The following HACE1 variants were observed in gnomAD, a reference collection of about 807,000 sequenced individuals.
The protein encoded by HACE1 is HECT domain and ankyrin repeat containing E3 ubiquitin protein ligase 1.
In HACE1, 73 loss-of-function variants were observed where a neutral mutation model predicts 118.4. That is an observed-to-expected ratio of 0.62 (90% confidence interval 0.51 to 0.75). HACE1 has a LOEUF of 0.75. HACE1 is among the 30% of genes least tolerant of loss of function. The pLI, the probability that HACE1 is intolerant of heterozygous loss-of-function variation, is 0.00. For missense variants in HACE1, 749 were observed against 1,102.2 expected, an observed-to-expected ratio of 0.68 and a Z score of 4.54; for synonymous variants, 368 against 374.8, an observed-to-expected ratio of 0.98 and a Z score of 0.21.
chr6:104,759,362 G>A (rs1367134170), intron 19 of HACE1, among the ~76,000 whole-genome samples: 1 of 152,210 alleles, frequency 6.6e-6, no homozygotes, highest in East Asian at 1.9e-4. Flanking sequence ...TCAGAGCACA[G>A]TGCAATCAAA....
At chr6:104,840,586 T>C (rs1775003716) in intron 5 of HACE1, among the ~76,000 whole-genome samples, 1 of 152,144 alleles carries the variant, frequency 6.6e-6, no homozygotes, top group South Asian at 2.1e-4. Context: ...CCGAGCACTT[T>C]GGGTAGCCAA....
chr6:104,839,534 G>C (rs762400674), intron 5 of HACE1, among the ~76,000 whole-genome samples: 1 of 152,164 alleles, frequency 6.6e-6, no homozygotes, highest in Non-Finnish European at 1.5e-5. Context: ...AAAGGGAAAG[G>C]TATGGTTATA....
At position 104,730,626 on chromosome 6, in the gene HACE1, T is replaced by A. The variant is rs940268887; in HGVS notation, c.2514-210A>T. On this transcript the variant is annotated intron_variant, in intron 22 of 23. Transcript: ENST00000262903. ...ATGGAGACACCCCTCCACATTTCCA[T>A]AAGCTATACTATGCTTGCAACTGGC... The A allele has an allele frequency of 7.4e-6, 4 of 538,880 alleles. No homozygotes were observed. The Admixed American group carries it at 8.6e-5, about 12-fold the overall frequency. The allele number at this position is 538,880 out of a possible 1,614,324, so 33.4% of individuals were successfully genotyped here.
At chr6:104,771,506 T>C in intron 18 of HACE1, 117 bp from the exon 19 acceptor site, 1 of 661,642 alleles carries the variant, frequency 1.5e-6, no homozygotes, top group Non-Finnish European at 2.7e-6. Flanking sequence ...AATACAATCC[T>C]ACACACAGCA....
At chr6:104,832,898 C>T (rs1774150082) in intron 6 of HACE1, 144 bp downstream of exon 6, 1 of 664,184 alleles carries the variant, frequency 1.5e-6, no homozygotes, top group African/African-American at 1.9e-5. Context: ...GGCCCTGTCT[C>T]AAAAAAAAAA....
At chr6:104,762,925 G>C (rs1279625153) in intron 19 of HACE1, among the ~76,000 whole-genome samples, 1 of 148,182 alleles carries the variant, frequency 6.7e-6, no homozygotes, top group Non-Finnish European at 1.5e-5. Context: ...GGGAGGTGGA[G>C]CTTGCAGTGA....
At chr6:104,739,717 G>C (rs1776402632) in intron 22 of HACE1, among the ~76,000 whole-genome samples, 2 of 151,096 alleles carry the variant, frequency 1.3e-5, no homozygotes, top group South Asian at 4.2e-4. Context: ...CATTAATAAT[G>C]GGAGACTTTA....
chr6:104,778,907 C>G (rs986426422), intron 14 of HACE1, among the ~76,000 whole-genome samples: 2 of 152,110 alleles, frequency 1.3e-5, no homozygotes, highest in Non-Finnish European at 2.9e-5. Context: ...TACCCCCACA[C>G]TCCTAGAAGG....
chr6:104,760,513 C>G (rs1368463889), intron 19 of HACE1, among the ~76,000 whole-genome samples: 1 of 152,112 alleles, frequency 6.6e-6, no homozygotes, highest in African/African-American at 2.4e-5. Flanking sequence ...GCTAAAAACT[C>G]TCAGTAAACT....
At chr6:104,819,993 G>A (rs548203179) in intron 6 of HACE1, among the ~76,000 whole-genome samples, 4 of 151,902 alleles carry the variant, frequency 2.6e-5, no homozygotes, top group Non-Finnish European at 5.9e-5. Flanking sequence ...TCAAGAGTTC[G>A]AGACCACCCT....
chr6:104,850,453 T>C (rs1257493131), intron 3 of HACE1, among the ~76,000 whole-genome samples: 1 of 152,210 alleles, frequency 6.6e-6, no homozygotes, highest in African/African-American at 2.4e-5. Context: ...TTTCAACACA[T>C]CTACCTAAAT....
chr6:104,788,390 T>A (rs1782659261), intron 11 of HACE1, among the ~76,000 whole-genome samples: 1 of 152,108 alleles, frequency 6.6e-6, no homozygotes, highest in Non-Finnish European at 1.5e-5. Context: ...TATAAGCATT[T>A]TAAGTCATAT....
In HACE1 at chr6:104,764,915, T is replaced by C. The variant is rs553817251; in HGVS notation, c.2211+6278A>G. ...CAGAGGTTGTGCCAGGCATGCACAA[T>C]TGTGTCTTTACTCACTGTGTTCCAA... On this transcript the variant is annotated intron_variant, in intron 19 of 23. Transcript: ENST00000262903. 1.4e-4 allele frequency among the ~76,000 whole-genome samples: 21 copies of C among 152,334 alleles called. No individual in the cohort carries two copies. The East Asian group carries it at 4.0e-3, about 29-fold the overall frequency.
chr6:104,788,364 C>T (rs538502564), intron 11 of HACE1, among the ~76,000 whole-genome samples: 15 of 152,056 alleles, frequency 9.9e-5, no homozygotes, highest in African/African-American at 1.9e-4. Flanking sequence ...CAATGATATG[C>T]CAATCATACA....
intron 19 of HACE1, among the ~76,000 whole-genome samples, chr6:104,753,126 A>C (rs904058175): frequency 1.3e-5 from 2 of 152,228 alleles, no homozygotes; most frequent in African/African-American, 4.8e-5. Context: ...TATTATCTTG[A>C]CAATACAAAT....
chr6:104,795,832 T>C (rs914601340), intron 9 of HACE1, 147 bp from the exon 10 acceptor site: 1 of 618,774 alleles, frequency 1.6e-6, no homozygotes, highest in Non-Finnish European at 2.9e-6. Flanking sequence ...TAAAAGCTAA[T>C]ATAGAGATAT....
intron 22 of HACE1, among the ~76,000 whole-genome samples, chr6:104,739,336 T>G (rs1378767684): frequency 6.6e-6 from 1 of 152,044 alleles, no homozygotes; most frequent in African/African-American, 2.4e-5. Context: ...TAAATGTAAA[T>G]GGACTAAATG....
intron 20 of HACE1, 40 bp downstream of exon 20, chr6:104,750,298 TTTG>T (rs767109457): frequency 1.3e-6 from 2 of 1,547,306 alleles, no homozygotes; most frequent in Non-Finnish European, 1.8e-6. Flanking sequence ...ACTAGAGTTT[TTTG>T]TTGTTGTGTT....
At chr6:104,746,733 A>G (rs531695537) in intron 20 of HACE1, among the ~76,000 whole-genome samples, 2 of 152,148 alleles carry the variant, frequency 1.3e-5, no homozygotes, top group African/African-American at 2.4e-5. Context: ...TCCCTTTGTT[A>G]AAGTTTCGAT....
Sources: gnomAD v4.1 joint callset for allele counts (sites outside exome capture counted in the v4.1 genomes callset) on GRCh38, gnomAD v4.1.1 for gene constraint, MANE v1.5 for transcripts, NCBI Gene and HGNC (gene_info 2026-07-23, HGNC 2026-07-21) for gene names.